Variants in DPP4 observed in about 807,000 individuals in gnomAD.
The protein encoded by DPP4 is dipeptidyl peptidase 4, also known as ADCP-2.
A neutral mutation model predicts 122.4 loss-of-function variants in DPP4; 93 were observed. That is an observed-to-expected ratio of 0.76 (90% CI 0.64 to 0.90). The LOEUF (loss-of-function observed/expected upper bound fraction) is 0.90. DPP4 is among the 40% of genes least tolerant of loss of function. The pLI is 0.00. For missense variants in DPP4, 914 were observed against 907.3 expected (o/e 1.01, Z -0.09); for synonymous variants, 321 against 302.9 (o/e 1.06, Z -0.62).
rs1212843822 is a variant in DPP4 at position 162,015,837 on chromosome 2, T to TGTTA, written c.1567+927_1567+930dup. Among the ~76,000 whole-genome samples, 3 of 152,152 alleles carry TGTTA rather than the reference T, an allele frequency of 2.0e-5. No individual in the cohort carries two copies. The East Asian group carries it at 5.8e-4, about 29-fold the overall frequency. Reference sequence around the variant, plus strand: ...AGTGCCTTCTGTACCAGGTTGTCAATGTTAGCTCTGGAAAACTCTAAGCTC... The same window carrying TGTTA: ...AGTGCCTTCTGTACCAGGTTGTCAATGTTAGTTAGCTCTGGAAAACTCTAAGCTC... On this transcript the variant is annotated intron_variant, in intron 18 of 25. Coordinates refer to ENST00000360534, the MANE Select transcript of DPP4 (RefSeq NM_001935.4).
At chr2:162,017,443 G>C (rs1365657034) in intron 16 of DPP4, 1 of 378,328 alleles carries the variant, frequency 2.6e-6, no homozygotes, top group African/African-American at 2.1e-5. Context: ...TATCATCTCT[G>C]AACTTAATAT....
At chr2:162,063,639 A>G (rs1347918000) in intron 2 of DPP4, among the ~76,000 whole-genome samples, 1 of 151,952 alleles carries the variant, frequency 6.6e-6, no homozygotes, top group African/African-American at 2.4e-5. Context: ...CCAATCTGCA[A>G]CACAGAGATT....
intron 2 of DPP4, among the ~76,000 whole-genome samples, chr2:162,053,740 G>A (rs936000796): frequency 2.0e-5 from 3 of 152,238 alleles, no homozygotes; most frequent in African/African-American, 7.2e-5. Context: ...CACTCATGTG[G>A]TGCTAATTCT....
chr2:162,044,782 G>C (rs1279595585), intron 5 of DPP4, among the ~76,000 whole-genome samples: 2 of 152,030 alleles, frequency 1.3e-5, no homozygotes, highest in African/African-American at 4.8e-5. Flanking sequence ...AGTTGAGCTG[G>C]GTAACTGGGG....
intron 18 of DPP4, 35 bp downstream of exon 18, chr2:162,016,733 C>A (rs2106096141): frequency 6.8e-7 from 1 of 1,476,334 alleles, no homozygotes; most frequent in African/African-American, 1.4e-5. Context: ...TTGGTGTTTC[C>A]ATGAAAAGTA....
At chr2:162,012,715 C>T (rs951699098) in intron 19 of DPP4, among the ~76,000 whole-genome samples, 4 of 151,984 alleles carry the variant, frequency 2.6e-5, no homozygotes, top group African/African-American at 9.7e-5. Context: ...GCTTGTTAAT[C>T]AAGAGGAGCT....
intron 16 of DPP4, 116 bp downstream of exon 16, chr2:162,018,613 A>C: frequency 7.6e-7 from 1 of 1,309,402 alleles, no homozygotes; most frequent in Non-Finnish European, 1.0e-6. Flanking sequence ...ATGTGAGTGG[A>C]GAGAAGGGGA....
intron 10 of DPP4, 101 bp from the exon 11 acceptor site, chr2:162,025,040 T>C (rs1165628911): frequency 7.8e-7 from 1 of 1,288,088 alleles, no homozygotes; most frequent in Non-Finnish European, 1.1e-6. Context: ...AAGAAATCAA[T>C]CTTAATGGGA....
In DPP4 at chr2:162,006,053, C is replaced by T. The variant is rs373843249; in HGVS notation, c.1988-244G>A. ...ATGCTAATTCCCAGATCCCTGCATA[C>T]TCATACCTTTCCACACTCAGCCCTA... is the stretch of plus-strand genomic sequence containing the variant. On this transcript the variant is annotated intron_variant, in intron 22 of 25. Coordinates refer to ENST00000360534, the MANE Select transcript of DPP4 (RefSeq NM_001935.4). 1.6e-4 allele frequency among the ~76,000 whole-genome samples: 24 copies of T among 152,290 alleles called. No homozygotes were observed. In the East Asian group the frequency reaches 2.3e-3, roughly 15 times the overall value.
At chr2:162,059,977 C>T (rs887575151) in intron 2 of DPP4, among the ~76,000 whole-genome samples, 3 of 152,176 alleles carry the variant, frequency 2.0e-5, no homozygotes, top group Admixed American at 6.5e-5. Flanking sequence ...TGCTCATTCC[C>T]ATTTTACAAA....
At chr2:162,028,626 C>T (rs1306817550) in intron 10 of DPP4, among the ~76,000 whole-genome samples, 1 of 152,178 alleles carries the variant, frequency 6.6e-6, no homozygotes, top group Non-Finnish European at 1.5e-5. Flanking sequence ...AGCCAGCAAG[C>T]TCTTCTACCT....
rs1001836345 is a variant in DPP4 at position 162,012,721 on chromosome 2, G to A, written c.1638-734C>T. ...CTCATTTCTGCTTGTTAATCAAGAG[G>A]AGCTCCTTATAGCTCATCTCAATTC... On this transcript the variant is annotated intron_variant, in intron 19 of 25. Coordinates refer to ENST00000360534, the MANE Select transcript of DPP4 (RefSeq NM_001935.4). Among the ~76,000 whole-genome samples the A allele has an allele frequency of 2.6e-5, 4 of 151,800 alleles. No individual in the cohort carries two copies. In the East Asian group the frequency reaches 5.8e-4, roughly 22 times the overall value.
rs1014477768 is a variant in DPP4, at chr2:161,994,870, T to G, written c.2199+91A>C. The G allele has an allele frequency of 9.8e-6, 12 of 1,230,014 alleles. No homozygotes were observed. In the African/African-American group the frequency reaches 1.5e-4, roughly 15 times the overall value. The allele number at this position is 1,230,014 out of a possible 1,614,324, so 76.2% of individuals were successfully genotyped here. A position where few individuals can be genotyped will look rare whatever the true frequency, so the allele number is the denominator to read the frequency against. ...AATTTTTAATGTTTTTATTCTGTCC[T>G]GTCTGTGGCACTGCTAAAAGAATTA... On this transcript the variant is annotated intron_variant, in intron 25 of 25. Coordinates refer to ENST00000360534, the MANE Select transcript of DPP4 (RefSeq NM_001935.4).
intron 7 of DPP4, 59 bp from the exon 8 acceptor site, chr2:162,038,481 A>G: frequency 2.0e-6 from 3 of 1,518,746 alleles, no homozygotes; most frequent in Non-Finnish European, 2.7e-6. Flanking sequence ...TTTATCCCGG[A>G]ATTGTAGAAA....
At chr2:162,016,574 T>C (rs1276241160) in intron 18 of DPP4, among the ~76,000 whole-genome samples, 194 bp downstream of exon 18, 17 of 152,358 alleles carry the variant, frequency 1.1e-4, no homozygotes, top group Admixed American at 1.0e-3. Flanking sequence ...ATAAGTTTTA[T>C]GTAGAATGGT....
chr2:162,004,040 C>T (rs1398265945), intron 23 of DPP4, among the ~76,000 whole-genome samples: 2 of 151,892 alleles, frequency 1.3e-5, no homozygotes, highest in South Asian at 4.2e-4. Flanking sequence ...TGACATTCCA[C>T]GTGGAAGGAG....
chr2:162,034,755 T>G (rs1683705805), intron 9 of DPP4, among the ~76,000 whole-genome samples: 1 of 152,188 alleles, frequency 6.6e-6, no homozygotes, highest in African/African-American at 2.4e-5. Context: ...AAACTAGTCA[T>G]GTATCCCGTT....
At chr2:162,031,314 G>A (rs1367257407) in intron 10 of DPP4, among the ~76,000 whole-genome samples, 5 of 152,210 alleles carry the variant, frequency 3.3e-5, no homozygotes, top group Non-Finnish European at 7.3e-5. Context: ...AAGGAGGGAG[G>A]ACAAGGACTA....
chr2:162,047,096 A>G (rs989329438), intron 3 of DPP4, 90 bp from the exon 4 acceptor site: 1 of 683,506 alleles, frequency 1.5e-6, no homozygotes, highest in African/African-American at 1.8e-5. Context: ...TTAAGCTCAC[A>G]AATACCAAAT....
Sources: gnomAD v4.1 joint callset for allele counts (sites outside exome capture counted in the v4.1 genomes callset) on GRCh38, gnomAD v4.1.1 for gene constraint, MANE v1.5 for transcripts, NCBI Gene and HGNC (gene_info 2026-07-23, HGNC 2026-07-21) for gene names.